MTMR6: variants seen among roughly 807,000 people sequenced by gnomAD.
The protein encoded by MTMR6 is phosphatidylinositol-3,5-bisphosphate 3-phosphatase MTMR6.
Under a neutral mutation model 80.1 loss-of-function variants are expected in MTMR6, and 47 were observed. The ratio of observed to expected loss-of-function variants is 0.59; its 90% confidence interval spans 0.46 to 0.75. MTMR6 has a LOEUF of 0.75. Among genes scored for constraint, MTMR6 ranks in the 30% least tolerant of loss-of-function variants. The probability of loss-of-function intolerance (pLI) is 0.00; values close to 1 mark genes in which losing one functional copy is unlikely to be tolerated. For missense variants in MTMR6, 629 were observed against 730.9 expected (o/e 0.86, Z 1.61); for synonymous variants, 254 against 253.0 (o/e 1.00, Z -0.04).
chr13:25,265,338 G>A (rs1475334818), intron 5 of MTMR6, among the ~76,000 whole-genome samples: 2 of 152,144 alleles, frequency 1.3e-5, no homozygotes, highest in Non-Finnish European at 2.9e-5. Flanking sequence ...AAGAAAAGAT[G>A]ACAAGAAGTA....
chr13:25,257,058 T>C (rs1957224796), intron 9 of MTMR6, 138 bp downstream of exon 9: 2 of 949,488 alleles, frequency 2.1e-6, no homozygotes, highest in Non-Finnish European at 3.1e-6. Context: ...GTTAGCAATA[T>C]CCCTGGCCAC....
intron 11 of MTMR6, among the ~76,000 whole-genome samples, chr13:25,253,075 T>C (rs888887614): frequency 1.3e-4 from 20 of 152,132 alleles, no homozygotes; most frequent in African/African-American, 4.6e-4. Flanking sequence ...ACATAGGACC[T>C]CTAAGACCTA....
At chr13:25,287,114 C>T in intron 1 of MTMR6, 110 bp downstream of exon 1, 1 of 1,478,168 alleles carries the variant, frequency 6.8e-7, no homozygotes. Flanking sequence ...GGCCGGGTCT[C>T]CGCCGGGCCG....
In MTMR6 at chr13:25,251,976, T is replaced by C; in HGVS notation, c.1355A>G (p.Glu452Gly). 1 of 1,610,852 alleles carries C rather than the reference T, an allele frequency of 6.2e-7. No homozygotes were observed. The highest frequency in any genetic ancestry group is 1.1e-5 in the South Asian group (1 of 90,492). The change falls in exon 12 of 14, where the codon GAG (glutamate) becomes GGG (glycine). Residue 452 changes from glutamate to glycine, a missense_variant. Glu to Gly is a moderately conservative substitution (Grantham distance 98, BLOSUM62 -2). Transcript: ENST00000381801. This position sits in a 1 kb window ranked among gnomAD's most constrained non-coding sequence, Gnocchi z 4.1. ...AAATGGCCACAGGGAATAAGTCTTC[T>C]CCTTCAACCTTAATATAATGAGAAA... ...QKEREELKLK[E>G]KTYSLWPFLL...
intron 1 of MTMR6, among the ~76,000 whole-genome samples, chr13:25,285,719 A>G (rs1446526494): frequency 6.6e-6 from 1 of 151,800 alleles, no homozygotes; most frequent in African/African-American, 2.4e-5. Flanking sequence ...TTTTTAGTAG[A>G]TATGGGGTTT....
At chr13:25,254,052 T>A in intron 10 of MTMR6, 88 bp from the exon 11 acceptor site, 1 of 1,341,874 alleles carries the variant, frequency 7.5e-7, no homozygotes, top group Non-Finnish European at 1.0e-6. Flanking sequence ...ACAAAAATAT[T>A]CCTAAAGCAC....
chr13:25,280,254 C>T (rs911048933), intron 1 of MTMR6, among the ~76,000 whole-genome samples: 1 of 152,190 alleles, frequency 6.6e-6, no homozygotes, highest in East Asian at 1.9e-4. Context: ...CATAAACCAA[C>T]TTATATTCAA....
Position 25,247,715 on chromosome 13 carries a change from T to C in MTMR6, c.*1517A>G, listed in dbSNP as rs997813342. On this transcript the variant is annotated 3_prime_UTR_variant, in exon 14 of 14. Transcript: ENST00000381801. ...ATATTTTTTAAATTACATAATGTAT[T>C]ACAGAAAAGCATTGGAAAAATAAAC... The C allele has an allele frequency of 6.6e-6, 1 of 152,180 alleles. No individual in the cohort carries two copies. Among genetic ancestry groups the C allele is most frequent in the Non-Finnish European group, 1.5e-5 (1 of 67,998 alleles). The allele number at this position is 152,180 out of a possible 1,614,324, so 9.4% of individuals were successfully genotyped here.
At chr13:25,280,646 T>C (rs1339138986) in intron 1 of MTMR6, among the ~76,000 whole-genome samples, 3 of 152,184 alleles carry the variant, frequency 2.0e-5, no homozygotes, top group Non-Finnish European at 4.4e-5. Flanking sequence ...GGAAATGTAT[T>C]AAGTCAGATG....
chr13:25,253,625 G>A, intron 11 of MTMR6, 139 bp downstream of exon 11: 2 of 756,572 alleles, frequency 2.6e-6, no homozygotes, highest in South Asian at 3.8e-5. Flanking sequence ...AGGGTACTCA[G>A]CTTTAGAAAT....
Position 25,258,682 on chromosome 13 carries a change from A to T in MTMR6, c.737T>A (p.Met246Lys). The T allele has an allele frequency of 9.6e-6, 15 of 1,554,450 alleles. No homozygotes were observed. The highest frequency in any genetic ancestry group is 1.3e-5 in the Non-Finnish European group (15 of 1,160,810). ...VMDTRPKLNA[M>K]ANRAAGKGYE... ...ACCTTTTCCAGCTGCTCTGTTGGCC[A>T]TTGCATTCAGCTAAAATTAAAAGTT... The change falls in exon 7 of 14, where the codon ATG becomes AAG. Residue 246 changes from methionine (M) to lysine (K), a missense_variant. Coordinates refer to ENST00000381801, the MANE Select transcript of MTMR6 (RefSeq NM_004685.5).
In MTMR6 at chr13:25,249,445, C is replaced by T. The variant is rs749221969; in HGVS notation, c.1653G>A (p.Lys551=). The change falls in exon 14 of 14, where the codon AAG becomes AAA. Residue 551 remains lysine (K), a synonymous_variant. Transcript: ENST00000381801. ...CAGGATGAACTGAATGTAACAATTC[C>T]TTGGTGAGGATGCCATCTGTTTGCT... ...KNKQTDGILT[K]ELLHSVHPES... is the part of the protein sequence containing the mutation. 8 of 1,613,840 alleles carry T rather than the reference C, an allele frequency of 5.0e-6. No homozygotes were observed. In the Middle Eastern group the frequency reaches 4.9e-4, roughly 99 times the overall value.
chr13:25,265,806 A>G lies in MTMR6; in HGVS notation c.591+13T>C, dbSNP rs1201192139. The stretch of plus-strand genomic sequence containing the variant: ...TATACTTTATTTCTAAAATCAAAAG[A>G]AAAGCATCCTACCTCCTTATCTTGA... On this transcript the variant is annotated intron_variant, in intron 5 of 13. Coordinates refer to ENST00000381801, the MANE Select transcript of MTMR6 (RefSeq NM_004685.5). 3 of 1,602,458 alleles carry G rather than the reference A, an allele frequency of 1.9e-6. No homozygotes were observed.
At chr13:25,277,772 C>T (rs139538164) in intron 1 of MTMR6, among the ~76,000 whole-genome samples, 1 of 152,112 alleles carries the variant, frequency 6.6e-6, no homozygotes, top group African/African-American at 2.4e-5. Context: ...ACTTTCAATC[C>T]TCTATCCCCA....
intron 11 of MTMR6, among the ~76,000 whole-genome samples, chr13:25,252,594 C>T (rs1957115318): frequency 6.6e-6 from 1 of 152,114 alleles, no homozygotes; most frequent in Non-Finnish European, 1.5e-5. Flanking sequence ...CTGATTTTTC[C>T]ATAACTCCTA....
chr13:25,262,169 G>T (rs1297008362), intron 5 of MTMR6, among the ~76,000 whole-genome samples: 1 of 152,102 alleles, frequency 6.6e-6, no homozygotes, highest in African/African-American at 2.4e-5. Context: ...AATAAAAATA[G>T]AACAAGAATT....
chr13:25,265,592 G>C (rs990713810), intron 5 of MTMR6, among the ~76,000 whole-genome samples: 1 of 152,012 alleles, frequency 6.6e-6, no homozygotes, highest in African/African-American at 2.4e-5. Context: ...AATTAGCCAG[G>C]CATGGTGGCA....
At chr13:25,258,527 C>T (rs1184029906) in intron 7 of MTMR6, 33 bp downstream of exon 7, 2 of 1,549,758 alleles carry the variant, frequency 1.3e-6, no homozygotes, top group South Asian at 2.5e-5. Flanking sequence ...TTCTTTTGGA[C>T]AAGGGTGTCT....
intron 5 of MTMR6, among the ~76,000 whole-genome samples, chr13:25,264,727 C>T (rs1377723355): frequency 7.3e-6 from 1 of 137,542 alleles, no homozygotes; most frequent in Non-Finnish European, 1.6e-5. Context: ...TGAACTCCAG[C>T]CTGGGCAACA....
Sources: allele counts gnomAD v4.1 joint callset (sites outside exome capture counted in the v4.1 genomes callset), GRCh38; gene constraint gnomAD v4.1.1; non-coding constraint Gnocchi (gnomAD v3.1); transcripts MANE v1.5; gene names NCBI Gene and HGNC (gene_info 2026-07-23, HGNC 2026-07-21).